The following DCHS2 variants were observed in gnomAD, a reference collection of about 807,000 sequenced individuals.
The protein encoded by DCHS2 is protocadherin-23.
In DCHS2, 142 loss-of-function variants were observed where a neutral mutation model predicts 182.4. The ratio of observed to expected loss-of-function variants is 0.78; its 90% CI spans 0.68 to 0.89. The LOEUF is 0.89. DCHS2 is among the 40% of genes least tolerant of loss of function. The pLI, the probability that DCHS2 is intolerant of heterozygous loss-of-function variation, is 0.00. For synonymous variants in DCHS2, 1,740 were observed against 1,663.3 expected, an observed-to-expected ratio of 1.05 and a Z score of -1.12; for missense variants, 4,319 against 4,198.6, an observed-to-expected ratio of 1.03 and a Z score of -0.79.
intron 1 of DCHS2, among the ~76,000 whole-genome samples, chr4:154,378,225 A>T (rs1489952858): frequency 1.3e-5 from 2 of 152,144 alleles, no homozygotes; most frequent in Non-Finnish European, 2.9e-5. Context: ...AGCAAGTGAA[A>T]TTATGAAAGC....
At chr4:154,482,101 T>C (rs773719438) in intron 1 of DCHS2, among the ~76,000 whole-genome samples, 1 of 152,228 alleles carries the variant, frequency 6.6e-6, no homozygotes, top group Non-Finnish European at 1.5e-5. Flanking sequence ...TGTACAGATA[T>C]GGTAGGGTTA....
rs757072901 is a variant in DCHS2 at position 154,234,553 on chromosome 4, C to T, written c.10099G>A (p.Asp3367Asn). 7 of 1,608,848 alleles carry T rather than the reference C, an allele frequency of 4.4e-6. No homozygotes were observed. In the South Asian group the frequency reaches 6.6e-5, roughly 15 times the overall value. Residue 3367 changes from aspartate (D) to asparagine (N), a missense_variant, in exon 20 of 20, where the codon GAT becomes AAT. Transcript: ENST00000357232. ...CAGTGGTTTCATATTTGAACTTCAT[C>T]TTCTGCTTTAAGTTCATGGCATGTA... ...SGTCHELKAEDEVQI is the reference protein window; with the variant it reads ...SGTCHELKAENEVQI
intron 15 of DCHS2, 74 bp downstream of exon 15, chr4:154,259,471 T>TA: frequency 7.1e-7 from 1 of 1,414,354 alleles, no homozygotes; most frequent in Middle Eastern, 2.4e-4. Context: ...CTTGTAATAA[T>TA]TCTCTCTCTC....
chr4:154,481,872 ACTCTTCTTCTGTCCAAAT>A, intron 1 of DCHS2, among the ~76,000 whole-genome samples: 1 of 152,160 alleles, frequency 6.6e-6, no homozygotes, highest in South Asian at 2.1e-4. Context: ...CCACGGGATT[ACTCTTCTTCTGTCCAAAT>A]GAAGGACACC....
At chr4:154,293,304 G>A (rs1734751547) in intron 13 of DCHS2, among the ~76,000 whole-genome samples, 1 of 151,990 alleles carries the variant, frequency 6.6e-6, no homozygotes, top group Admixed American at 6.6e-5. Flanking sequence ...CCAGGTTCAA[G>A]CGATTCTCCC....
At chr4:154,373,836 G>T in intron 2 of DCHS2, 2 of 1,102,602 alleles carry the variant, frequency 1.8e-6, no homozygotes, top group Non-Finnish European at 1.4e-6. Context: ...ACTCAGGGGA[G>T]AAGGAAAACT....
chr4:154,345,726 C>T (rs1729328760), intron 3 of DCHS2, among the ~76,000 whole-genome samples: 1 of 152,198 alleles, frequency 6.6e-6, no homozygotes, highest in Non-Finnish European at 1.5e-5. Context: ...TCATTCACCA[C>T]TACCAAACAG....
rs113201912 is a variant in DCHS2 at position 154,463,506 on chromosome 4, C to T, written c.2052+25798G>A. 5.5e-3 allele frequency among the ~76,000 whole-genome samples: 830 copies of T among 152,170 alleles called. 4 individuals carry two copies. The highest frequency in any genetic ancestry group is 0.018 in the African/African-American group (760 of 41,528). Reference sequence around the variant, plus strand: ...AGGAGCATGTAATAAAAACTGTACGCTAACAATTTCAAAACTCTTTAACGA... The same window carrying T: ...AGGAGCATGTAATAAAAACTGTACGTTAACAATTTCAAAACTCTTTAACGA... On this transcript the variant is annotated intron_variant, in intron 1 of 19. Transcript: ENST00000357232.
rs191694272 is a variant in DCHS2 at position 154,368,825 on chromosome 4, G to A, written c.2245-2384C>T. On this transcript the variant is annotated intron_variant, in intron 2 of 19. Coordinates refer to ENST00000357232, the MANE Select transcript of DCHS2 (RefSeq NM_001358235.2). The stretch of plus-strand genomic sequence containing the variant: ...ACAATACATTTTTGTTGCCGGTAGG[G>A]TAAGCACACTAGTGGGGCTAGAGAG... Among the ~76,000 whole-genome samples the A allele has an allele frequency of 1.6e-3, 245 of 152,222 alleles. 1 individual carries two copies. Among genetic ancestry groups the A allele is most frequent in the Non-Finnish European group, 4.4e-4 (30 of 67,998 alleles).
At chr4:154,351,559 A>G (rs565968062) in intron 3 of DCHS2, among the ~76,000 whole-genome samples, 4 of 152,252 alleles carry the variant, frequency 2.6e-5, no homozygotes, top group African/African-American at 9.6e-5. Context: ...TAGCTATTCA[A>G]TATATTTAAC....
chr4:154,250,058 A>T (rs1006221845), intron 16 of DCHS2, among the ~76,000 whole-genome samples: 4 of 152,178 alleles, frequency 2.6e-5, no homozygotes, highest in Non-Finnish European at 5.9e-5. Flanking sequence ...AGAGGATTGC[A>T]TAGGTAATAT....
chr4:154,280,891 G>C (rs536942521), intron 13 of DCHS2, among the ~76,000 whole-genome samples: 2 of 151,042 alleles, frequency 1.3e-5, no homozygotes, highest in South Asian at 4.2e-4. Flanking sequence ...GCAACGGCAT[G>C]ATCTCGGTTC....
chr4:154,428,348 T>C (rs1579073924), intron 1 of DCHS2, among the ~76,000 whole-genome samples: 1 of 152,114 alleles, frequency 6.6e-6, no homozygotes, highest in East Asian at 1.9e-4. Context: ...AAGACCAGCT[T>C]GGGTAACACA....
intron 1 of DCHS2, among the ~76,000 whole-genome samples, chr4:154,414,711 G>A (rs1389094724): frequency 6.6e-6 from 1 of 152,002 alleles, no homozygotes; most frequent in Non-Finnish European, 1.5e-5. Flanking sequence ...CACCAAGATG[G>A]GGGATAGGCC....
chr4:154,322,620 T>C (rs1736110109), intron 7 of DCHS2, 132 bp from the exon 8 acceptor site: 4 of 1,197,312 alleles, frequency 3.3e-6, no homozygotes, highest in Non-Finnish European at 4.4e-6. Flanking sequence ...AACACAAAAA[T>C]GACACTAAAA....
intron 1 of DCHS2, among the ~76,000 whole-genome samples, chr4:154,395,684 A>G (rs1212882323): frequency 1.3e-5 from 2 of 152,204 alleles, no homozygotes; most frequent in Non-Finnish European, 2.9e-5. Context: ...TTCAAAGCAC[A>G]AGCAAATTTT....
chr4:154,384,855 C>T (rs1731330964), intron 1 of DCHS2, among the ~76,000 whole-genome samples: 1 of 152,018 alleles, frequency 6.6e-6, no homozygotes, highest in African/African-American at 2.4e-5. Context: ...TTGCAGACTT[C>T]TAGTCTCCAG....
At position 154,315,874 on chromosome 4, in the gene DCHS2, C is replaced by A; in HGVS notation, c.5134G>T (p.Val1712Phe). 1 of 1,613,992 alleles carries A rather than the reference C, an allele frequency of 6.2e-7. No individual in the cohort carries two copies. The highest frequency in any genetic ancestry group is 8.5e-7 in the Non-Finnish European group (1 of 1,179,962). The change falls in exon 10 of 20, where the codon GTT becomes TTT. Residue 1712 changes from valine (V) to phenylalanine (F), a missense_variant. By Grantham distance (50) the Val-to-Phe change is conservative (BLOSUM62 -1). Coordinates refer to ENST00000357232, the MANE Select transcript of DCHS2 (RefSeq NM_001358235.2). ...PALSSSQTLT[V>F]TVLDVNDEAP... ...TCATCATTTACATCAAGAACAGTAA[C>A]TGTCAAAGTCTGGGATGAAGAAAGT...
At chr4:154,383,396 G>A (rs994346433) in intron 1 of DCHS2, among the ~76,000 whole-genome samples, 1 of 152,094 alleles carries the variant, frequency 6.6e-6, no homozygotes, top group African/African-American at 2.4e-5. Context: ...GGGATCAATT[G>A]TACCCCAAAC....
Sources: allele counts gnomAD v4.1 joint callset (sites outside exome capture counted in the v4.1 genomes callset), GRCh38; gene constraint gnomAD v4.1.1; transcripts MANE v1.5; gene names NCBI Gene and HGNC (gene_info 2026-07-23, HGNC 2026-07-21).